ARHGAP10: variants seen among roughly 807,000 people sequenced by gnomAD.
ARHGAP10 encodes Rho GTPase activating protein 10, also known as rho GTPase-activating protein 10.
In ARHGAP10, 87 loss-of-function variants were observed where a neutral mutation model predicts 108.6. The ratio of observed to expected loss-of-function variants is 0.80; its 90% CI spans 0.67 to 0.96. ARHGAP10 has a LOEUF of 0.96. Ranked by LOEUF, ARHGAP10 falls within the 40% of genes least tolerant of loss-of-function variation. The pLI is 0.00. For missense variants in ARHGAP10, 939 were observed against 954.5 expected (o/e 0.98, Z 0.21); for synonymous variants, 347 against 341.1 (o/e 1.02, Z -0.19).
chr4:147,999,495 C>T (rs773330473), intron 18 of ARHGAP10, among the ~76,000 whole-genome samples: 17 of 152,236 alleles, frequency 1.1e-4, no homozygotes, highest in African/African-American at 4.8e-5. Flanking sequence ...CCTCCGGATC[C>T]GGCAGGGTGT....
At chr4:147,840,268 C>T (rs1257831057) in intron 3 of ARHGAP10, among the ~76,000 whole-genome samples, 3 of 152,076 alleles carry the variant, frequency 2.0e-5, no homozygotes, top group Non-Finnish European at 2.9e-5. Context: ...AGCTTCTACC[C>T]ATCAAACCTG....
chr4:147,945,681 G>C (rs1265195679), intron 14 of ARHGAP10, among the ~76,000 whole-genome samples: 1 of 152,164 alleles, frequency 6.6e-6, no homozygotes, highest in Non-Finnish European at 1.5e-5. Context: ...TCACCAGTTT[G>C]TTGCCATTCT....
chr4:147,903,391 A>T (rs1050028418), intron 10 of ARHGAP10, among the ~76,000 whole-genome samples: 1 of 152,208 alleles, frequency 6.6e-6, no homozygotes, highest in Non-Finnish European at 1.5e-5. Flanking sequence ...ACACATGCAT[A>T]GCATTCCCCA....
intron 18 of ARHGAP10, among the ~76,000 whole-genome samples, chr4:147,978,361 C>T (rs1355560798): frequency 6.6e-6 from 1 of 152,094 alleles, no homozygotes; most frequent in East Asian, 1.9e-4. Flanking sequence ...TAAATAATCG[C>T]CATTCTGACT....
chr4:147,737,900 A>AT lies in ARHGAP10; in HGVS notation c.154+5451dup, dbSNP rs913952196. 9.2e-5 allele frequency among the ~76,000 whole-genome samples: 14 copies of AT among 152,068 alleles called. No individual in the cohort carries two copies. The South Asian group carries it at 1.9e-3, about 20-fold the overall frequency. The stretch of plus-strand genomic sequence containing the variant: ...GCTGAGCCATGGTTATTTAGAACAG[A>AT]TTTTTTACTAGCCAGTCAGCAATCT... On this transcript the variant is annotated intron_variant, in intron 1 of 22. Coordinates refer to ENST00000336498, the MANE Select transcript of ARHGAP10 (RefSeq NM_024605.4).
chr4:148,026,005 T>C (rs1741750948), intron 19 of ARHGAP10, among the ~76,000 whole-genome samples: 5 of 152,162 alleles, frequency 3.3e-5, no homozygotes, highest in Admixed American at 3.3e-4. Context: ...GTAGTGTAAG[T>C]TAATTTGAAT....
intron 3 of ARHGAP10, among the ~76,000 whole-genome samples, chr4:147,824,321 CAA>C (rs57613352): frequency 1.5e-5 from 2 of 136,356 alleles, no homozygotes; most frequent in Middle Eastern, 3.6e-3. Context: ...GACTCTGTCT[CAA>C]AAAAAAAAAA....
At chr4:148,059,973 T>TGA (rs145893430) in intron 20 of ARHGAP10, among the ~76,000 whole-genome samples, 70,229 of 145,918 alleles carry the variant, frequency 0.48, 18,548 homozygotes, top group East Asian at 0.8. Context: ...GCCCACTCTT[T>TGA]GAGAGAGAGA....
intron 5 of ARHGAP10, chr4:147,862,093 CCT>C (rs1665352963): frequency 6.6e-6 from 1 of 152,332 alleles, no homozygotes; most frequent in African/African-American, 2.4e-5. Context: ...CCTGCAGGCC[CCT>C]GTTAAGCTGC....
rs10005261 is a variant in ARHGAP10, at chr4:147,746,829, C to T, written c.154+14374C>T. Reference sequence around the variant, plus strand: ...AAATTGTAGATTTATGGCAGGACATCGAGGAAACTGTCAACTGATGGATTT... The same window carrying T: ...AAATTGTAGATTTATGGCAGGACATTGAGGAAACTGTCAACTGATGGATTT... On this transcript the variant is annotated intron_variant, in intron 1 of 22. Transcript: ENST00000336498. Among the ~76,000 whole-genome samples the T allele has an allele frequency of 9.3e-3, 1,408 of 152,210 alleles. 14 individuals carry two copies. The highest frequency in any genetic ancestry group is 0.032 in the African/African-American group (1,329 of 41,514).
intron 11 of ARHGAP10, among the ~76,000 whole-genome samples, chr4:147,907,075 G>A (rs1736526853): frequency 1.3e-5 from 2 of 152,146 alleles, no homozygotes; most frequent in South Asian, 4.1e-4. Flanking sequence ...GATGGAACAG[G>A]AAATGTGAGA....
chr4:147,880,709 G>A (rs2126870550), intron 9 of ARHGAP10, among the ~76,000 whole-genome samples: 1 of 149,400 alleles, frequency 6.7e-6, no homozygotes, highest in East Asian at 1.9e-4. Flanking sequence ...TGCAAATTAA[G>A]TAAAGATAAA....
At chr4:148,049,800 T>TTTTTG (rs1553976352) in intron 20 of ARHGAP10, among the ~76,000 whole-genome samples, 1 of 146,284 alleles carries the variant, frequency 6.8e-6, no homozygotes, top group Non-Finnish European at 1.5e-5. Context: ...AAATTGTTTT[T>TTTTTG]TTTGTTTGTT....
In ARHGAP10 at chr4:147,788,914, G is replaced by T. The variant is rs547071768; in HGVS notation, c.155-33813G>T. On this transcript the variant is annotated intron_variant, in intron 1 of 22. Transcript: ENST00000336498. ...TCAGATGGAATAAAACCAGGTTTTGGTTGAAACATCAGTTAATATTATGAA... is the reference window on the plus strand; with the variant it reads ...TCAGATGGAATAAAACCAGGTTTTGTTTGAAACATCAGTTAATATTATGAA... Among the ~76,000 whole-genome samples, 3 of 152,286 alleles carry T rather than the reference G, an allele frequency of 2.0e-5. No individual in the cohort carries two copies. The East Asian group carries it at 5.8e-4, about 29-fold the overall frequency.
chr4:147,977,325 C>T (rs541624275), intron 18 of ARHGAP10, among the ~76,000 whole-genome samples: 4 of 151,782 alleles, frequency 2.6e-5, no homozygotes, highest in African/African-American at 9.7e-5. Flanking sequence ...GGGAAGGCAC[C>T]ATCAGGTGCC....
intron 9 of ARHGAP10, among the ~76,000 whole-genome samples, chr4:147,880,643 G>C (rs1735284726): frequency 6.6e-6 from 1 of 152,194 alleles, no homozygotes; most frequent in Non-Finnish European, 1.5e-5. Context: ...TGTTCAATAA[G>C]TGTGTACTCA....
intron 5 of ARHGAP10, chr4:147,861,100 T>G (rs904133486): frequency 5.2e-5 from 8 of 152,406 alleles, no homozygotes; most frequent in Admixed American, 3.3e-4. Context: ...CGGCTTGTGC[T>G]ACTGGCCTGG....
Position 147,986,144 on chromosome 4 carries a change from T to C in ARHGAP10, c.1716+19305T>C, listed in dbSNP as rs959581068. On this transcript the variant is annotated intron_variant, in intron 18 of 22. Coordinates refer to ENST00000336498, the MANE Select transcript of ARHGAP10 (RefSeq NM_024605.4). Reference sequence around the variant, plus strand: ...AAGGTCATGTGACTTTTGAGGGACTTAAGTGACCGGTTTAACCTCATTATC... The same window carrying C: ...AAGGTCATGTGACTTTTGAGGGACTCAAGTGACCGGTTTAACCTCATTATC... Among the ~76,000 whole-genome samples the C allele has an allele frequency of 2.0e-5, 3 of 152,336 alleles. No homozygotes were observed. The East Asian group carries it at 5.8e-4, about 29-fold the overall frequency.
At chr4:147,762,005 C>CT (rs1163208669) in intron 1 of ARHGAP10, among the ~76,000 whole-genome samples, 3 of 152,204 alleles carry the variant, frequency 2.0e-5, no homozygotes, top group East Asian at 1.9e-4. Flanking sequence ...TTCATTCCCT[C>CT]TTTTTTTATT....
Sources: allele counts gnomAD v4.1 joint callset (sites outside exome capture counted in the v4.1 genomes callset), GRCh38; gene constraint gnomAD v4.1.1; transcripts MANE v1.5; gene names NCBI Gene and HGNC (gene_info 2026-07-23, HGNC 2026-07-21).